Variants in NHSL3 observed in about 807,000 individuals in gnomAD.
The protein encoded by NHSL3 is NHS-like protein 3.
At chr1:32,762,653 G>A in the NHSL3 span, among the ~76,000 whole-genome samples, 3 of 151,762 alleles carry the variant, frequency 2.0e-5, no homozygotes, top group East Asian at 5.8e-4. Flanking sequence ...CAATGGCTGC[G>A]ATCTCGGCTC....
the NHSL3 span, among the ~76,000 whole-genome samples, chr1:32,749,647 C>G: frequency 6.6e-6 from 1 of 152,166 alleles, no homozygotes; most frequent in African/African-American, 2.4e-5. Flanking sequence ...AAAATCGCAT[C>G]CCAGAGAGGT....
At chr1:32,771,807 G>C in the NHSL3 span, 1 of 1,612,738 alleles carries the variant, frequency 6.2e-7, no homozygotes, top group East Asian at 2.2e-5. Flanking sequence ...ACGTAGGTGC[G>C]CCCCTGGTCA....
chr1:32,745,936 AG>A, the NHSL3 span, among the ~76,000 whole-genome samples: 11 of 152,202 alleles, frequency 7.2e-5, no homozygotes, highest in African/African-American at 2.6e-4. Context: ...CATAAGAAAA[AG>A]TTAAAAAAAC....
the NHSL3 span, chr1:32,773,233 A>T: frequency 1.6e-5 from 6 of 367,060 alleles, no homozygotes. Context: ...CCTGAGTTTC[A>T]TTTTTTTTCA....
At chr1:32,744,257 TCTC>T in the NHSL3 span, among the ~76,000 whole-genome samples, 1 of 152,164 alleles carries the variant, frequency 6.6e-6, no homozygotes, top group Non-Finnish European at 1.5e-5. Context: ...CTAATCTGAC[TCTC>T]CTACTTTAAG....
At chr1:32,769,970 G>C in the NHSL3 span, 1 of 1,607,680 alleles carries the variant, frequency 6.2e-7, no homozygotes, top group African/African-American at 1.3e-5. Flanking sequence ...GGCCGCCCCC[G>C]AGGCACCTCA....
the NHSL3 span, among the ~76,000 whole-genome samples, chr1:32,749,956 C>A: frequency 6.6e-6 from 1 of 152,192 alleles, no homozygotes; most frequent in Non-Finnish European, 1.5e-5. Context: ...CCCCTCAGCA[C>A]TTGCTCCTTG....
the NHSL3 span, among the ~76,000 whole-genome samples, chr1:32,752,944 CACACACATATATATAT>C: frequency 0.09 from 2,293 of 25,502 alleles, 99 homozygotes; most frequent in Non-Finnish European, 0.098. Flanking sequence ...CACACACACA[CACACACATATATATAT>C]ATATATATTT....
At chr1:32,765,637 T>G in the NHSL3 span, 1 of 1,530,276 alleles carries the variant, frequency 6.5e-7, no homozygotes, top group Non-Finnish European at 8.7e-7. Flanking sequence ...CTCCTCTGTC[T>G]GGAGCCGGTG....
the NHSL3 span, among the ~76,000 whole-genome samples, chr1:32,755,795 A>G: frequency 5.9e-5 from 9 of 152,184 alleles, no homozygotes; most frequent in East Asian, 1.7e-3. Flanking sequence ...AATCTCCAGG[A>G]CCTTCCAGCA....
At chr1:32,761,907 CT>C in the NHSL3 span, among the ~76,000 whole-genome samples, 3 of 152,030 alleles carry the variant, frequency 2.0e-5, no homozygotes, top group African/African-American at 7.2e-5. Flanking sequence ...TCCCATGACC[CT>C]TTTTCAGAGG....
At chr1:32,751,600 AC>A in the NHSL3 span, among the ~76,000 whole-genome samples, 2 of 152,178 alleles carry the variant, frequency 1.3e-5, no homozygotes, top group African/African-American at 4.8e-5. Flanking sequence ...AGAAGGCAGC[AC>A]TAATGTCTGT....
the NHSL3 span, among the ~76,000 whole-genome samples, chr1:32,755,790 C>A: frequency 6.6e-6 from 1 of 152,144 alleles, no homozygotes; most frequent in South Asian, 2.1e-4. Context: ...ATGAGAATCT[C>A]CAGGACCTTC....
chr1:32,745,205 TAA>T, the NHSL3 span, among the ~76,000 whole-genome samples: 1 of 151,710 alleles, frequency 6.6e-6, no homozygotes, highest in Admixed American at 6.6e-5. Context: ...CCTGTGTTTA[TAA>T]GTTTAGTCAC....
the NHSL3 span, among the ~76,000 whole-genome samples, chr1:32,751,953 C>T: frequency 6.6e-6 from 1 of 152,292 alleles, no homozygotes; most frequent in East Asian, 1.9e-4. Context: ...CCTGTCCTCA[C>T]TTAATTCATG....
At chr1:32,751,058 G>A in the NHSL3 span, among the ~76,000 whole-genome samples, 4 of 152,090 alleles carry the variant, frequency 2.6e-5, no homozygotes, top group East Asian at 1.9e-4. Context: ...TGATCTGCCC[G>A]CCTCTACCTC....
chr1:32,757,085 G>C, the NHSL3 span, among the ~76,000 whole-genome samples: 2 of 152,218 alleles, frequency 1.3e-5, no homozygotes, highest in Admixed American at 1.3e-4. Context: ...GGTTTTACTT[G>C]TGCTGAGGAT....
the NHSL3 span, among the ~76,000 whole-genome samples, chr1:32,746,655 A>C: frequency 6.6e-6 from 1 of 152,182 alleles, no homozygotes; most frequent in Non-Finnish European, 1.5e-5. Flanking sequence ...TCTGGAGTGT[A>C]AGGCACTGTT....
At chr1:32,750,926 C>T in the NHSL3 span, among the ~76,000 whole-genome samples, 2 of 152,120 alleles carry the variant, frequency 1.3e-5, no homozygotes, top group Non-Finnish European at 2.9e-5. Context: ...AATCTCCTGC[C>T]TCAGCCTCCC....
Sources: allele counts gnomAD v4.1 joint callset (sites outside exome capture counted in the v4.1 genomes callset), GRCh38; gene constraint gnomAD v4.1.1; transcripts MANE v1.5; gene names NCBI Gene and HGNC (gene_info 2026-07-23, HGNC 2026-07-21).